SLC2A9: variants seen among roughly 807,000 people sequenced by gnomAD.
SLC2A9 encodes the protein solute carrier family 2, facilitated glucose transporter member 9.
A neutral mutation model predicts 50.6 loss-of-function variants in SLC2A9; 39 were observed. That is an observed-to-expected ratio of 0.77 (90% CI 0.60 to 1.01). The LOEUF (loss-of-function observed/expected upper bound fraction) is 1.01. SLC2A9 is among the 50% of genes least tolerant of loss of function. The pLI is 0.00. For synonymous variants in SLC2A9, 324 were observed against 276.9 expected, an observed-to-expected ratio of 1.17 and a Z score of -1.69; for missense variants, 686 against 677.6, an observed-to-expected ratio of 1.01 and a Z score of -0.14.
intron 5 of SLC2A9, among the ~76,000 whole-genome samples, chr4:9,948,469 G>A (rs1749606508): frequency 6.6e-6 from 1 of 152,168 alleles, no homozygotes; most frequent in Admixed American, 6.5e-5. Flanking sequence ...GTGGTGCATG[G>A]CCCAGAACTG....
chr4:9,861,505 T>C (rs1731640822), intron 10 of SLC2A9, among the ~76,000 whole-genome samples: 2 of 152,118 alleles, frequency 1.3e-5, no homozygotes, highest in African/African-American at 4.8e-5. Flanking sequence ...AACCATATAA[T>C]TACATTATAT....
chr4:9,879,176 C>T (rs1734788890), intron 10 of SLC2A9: 1 of 985,062 alleles, frequency 1.0e-6, no homozygotes, highest in Non-Finnish European at 1.2e-6. Flanking sequence ...GGTGGGGATA[C>T]ACTAGGAGTT....
rs1745203587 is a variant in SLC2A9, at chr4:9,927,923, G to T, written c.815-7351C>A. The stretch of plus-strand genomic sequence containing the variant: ...CCAGTTAGCAGATTTGGAAATGGTA[G>T]TATTTGGTTTCAATTGAATTAACCC... On this transcript the variant is annotated intron_variant, in intron 6 of 11. Transcript: ENST00000264784. Among the ~76,000 whole-genome samples, 3 of 152,180 alleles carry T rather than the reference G, an allele frequency of 2.0e-5. No homozygotes were observed. The South Asian group carries it at 6.2e-4, about 32-fold the overall frequency.
intron 8 of SLC2A9, among the ~76,000 whole-genome samples, chr4:9,891,936 G>A (rs1288753018): frequency 6.6e-6 from 1 of 152,226 alleles, no homozygotes; most frequent in Admixed American, 6.5e-5. Flanking sequence ...CCAGCTTCAG[G>A]TGACAGTGCG....
At position 9,782,229 on chromosome 4, in the gene SLC2A9, G is replaced by A. The variant is rs1718521450; in HGVS notation, n.386-2164C>T. The A allele has an allele frequency of 8.7e-6, 14 of 1,613,034 alleles. No homozygotes were observed. The highest frequency in any genetic ancestry group is 1.8e-4 in the Middle Eastern group (1 of 5,636). ...GTGCTGGTGTGCGCAGCCATCGTGC[G>A]GAGCCGCCACCTGCGCGCCAACATG... On this transcript the variant is annotated intron_variant and non_coding_transcript_variant, in intron 3 of 3. Coordinates refer to the SLC2A9 transcript ENST00000503803.
chr4:9,778,710 A>T (rs186563716), downstream of SLC2A9, among the ~76,000 whole-genome samples: 1 of 152,220 alleles, frequency 6.6e-6, no homozygotes, highest in Non-Finnish European at 1.5e-5. Flanking sequence ...TCCTCTTTGG[A>T]GCACCGCCCA....
intron 2 of SLC2A9, among the ~76,000 whole-genome samples, chr4:10,016,660 C>T (rs1762662092): frequency 6.6e-6 from 1 of 152,134 alleles, no homozygotes; most frequent in Non-Finnish European, 1.5e-5. Flanking sequence ...TCTGGCCCCT[C>T]CTGTCCTTCT....
intron 3 of SLC2A9, among the ~76,000 whole-genome samples, chr4:9,792,540 A>T (rs1442076160): frequency 2.6e-5 from 4 of 151,984 alleles, no homozygotes; most frequent in Non-Finnish European, 5.9e-5. Context: ...ATTGTTGCTA[A>T]AGAGTTTGTA....
At chr4:9,909,354 G>A (rs1017822923) in intron 7 of SLC2A9, among the ~76,000 whole-genome samples, 1 of 152,144 alleles carries the variant, frequency 6.6e-6, no homozygotes, top group Non-Finnish European at 1.5e-5. Context: ...CAGGATGTGT[G>A]GTCTTGGAGT....
chr4:9,965,020 T>C (rs1752844871), intron 5 of SLC2A9, among the ~76,000 whole-genome samples: 1 of 152,230 alleles, frequency 6.6e-6, no homozygotes, highest in South Asian at 2.1e-4. Flanking sequence ...CCACATGACA[T>C]AAATGACGCG....
chr4:9,940,037 C>T (rs1202832639), intron 6 of SLC2A9, among the ~76,000 whole-genome samples: 3 of 152,198 alleles, frequency 2.0e-5, no homozygotes. Flanking sequence ...AACTTTAAAA[C>T]CTTCTTCACT....
intron 1 of SLC2A9, 122 bp downstream of exon 1, chr4:10,021,158 C>G: frequency 9.3e-7 from 1 of 1,080,712 alleles, no homozygotes. Flanking sequence ...CTCCCTGCCT[C>G]AAAGCCCCAG....
chr4:9,880,660 C>G (rs576760257), intron 10 of SLC2A9: 235 of 599,802 alleles, frequency 3.9e-4, no homozygotes, highest in Middle Eastern at 1.7e-3. Flanking sequence ...GGAAGAAGGT[C>G]AACTTTTCAC....
chr4:9,779,469 T>G (rs1417039071), downstream of SLC2A9, among the ~76,000 whole-genome samples: 1 of 151,062 alleles, frequency 6.6e-6, no homozygotes, highest in Non-Finnish European at 1.5e-5. Flanking sequence ...GGCTGGAGTG[T>G]GGTGGTGTGA....
At chr4:9,897,005 T>A (rs1454831803) in intron 8 of SLC2A9, among the ~76,000 whole-genome samples, 1 of 152,234 alleles carries the variant, frequency 6.6e-6, no homozygotes, top group Non-Finnish European at 1.5e-5. Context: ...TATATATTAA[T>A]AACTTAACTC....
intron 8 of SLC2A9, among the ~76,000 whole-genome samples, chr4:9,896,279 T>C (rs143374446): frequency 1.3e-5 from 2 of 152,340 alleles, no homozygotes; most frequent in East Asian, 3.9e-4. Context: ...ATATCAACCA[T>C]TTAAATTTTT....
At position 10,019,052 on chromosome 4, in the gene SLC2A9, C is replaced by A; in HGVS notation, c.172G>T (p.Val58Leu). The A allele has an allele frequency of 6.4e-7, 1 of 1,551,134 alleles. No homozygotes were observed. The highest frequency in any genetic ancestry group is 1.2e-5 in the South Asian group (1 of 84,046). Reference sequence around the variant, plus strand: ...CCGAAGGCGCCCGCGAGGGAGGCCACGAGGAGCGAGCAGGACCAGTCCTGA... The same window carrying A: ...CCGAAGGCGCCCGCGAGGGAGGCCAAGAGGAGCGAGCAGGACCAGTCCTGA... ...RRKDWSCSLLVASLAGAFGSS... is the reference protein window; with the variant it reads ...RRKDWSCSLLLASLAGAFGSS... Residue 58 changes from valine (V) to leucine (L), a missense_variant, in exon 2 of 12, where the codon GTG becomes TTG. Transcript: ENST00000264784.
chr4:9,960,750 G>C (rs1752135195), intron 5 of SLC2A9, among the ~76,000 whole-genome samples: 2 of 152,214 alleles, frequency 1.3e-5, no homozygotes, highest in African/African-American at 4.8e-5. Context: ...GGGGTGATGA[G>C]AGAGGTGATT....
chr4:9,928,844 AAG>A (rs1745381749), intron 6 of SLC2A9, among the ~76,000 whole-genome samples: 1 of 152,192 alleles, frequency 6.6e-6, no homozygotes, highest in Non-Finnish European at 1.5e-5. Context: ...TCCGAATGAA[AAG>A]TTTCAGTAGG....
Sources: allele counts gnomAD v4.1 joint callset (sites outside exome capture counted in the v4.1 genomes callset), GRCh38; gene constraint gnomAD v4.1.1; transcripts MANE v1.5; gene names NCBI Gene and HGNC (gene_info 2026-07-23, HGNC 2026-07-21).